ANK1: variants seen among roughly 807,000 people sequenced by gnomAD.
ANK1 encodes the protein ankyrin-1.
ANK1 carries 51 observed loss-of-function variants against 210.4 expected under a neutral mutation model. The ratio of observed to expected loss-of-function variants is 0.24; its 90% CI spans 0.19 to 0.31. The LOEUF (loss-of-function observed/expected upper bound fraction) is 0.31. ANK1 is among the 10% of genes least tolerant of loss of function. ANK1 has a pLI of 1.00. For missense variants in ANK1, 2,051 were observed against 2,504.4 expected (o/e 0.82, Z 3.86); for synonymous variants, 967 against 1,025.9 (o/e 0.94, Z 1.10).
intron 1 of ANK1, among the ~76,000 whole-genome samples, chr8:41,856,950 C>T (rs1037088101): frequency 2.8e-5 from 4 of 141,658 alleles, no homozygotes; most frequent in East Asian, 2.1e-4. Context: ...GGCACCATCT[C>T]GGTTCACTGC....
At chr8:41,775,853 C>A (rs1286679603) in intron 1 of ANK1, among the ~76,000 whole-genome samples, 1 of 152,200 alleles carries the variant, frequency 6.6e-6, no homozygotes, top group Non-Finnish European at 1.5e-5. Flanking sequence ...TGCCATGGCA[C>A]TCTAGCCTGG....
chr8:41,669,823 C>G (rs1811714842), intron 38 of ANK1, among the ~76,000 whole-genome samples: 1 of 152,224 alleles, frequency 6.6e-6, no homozygotes, highest in South Asian at 2.1e-4. Context: ...TTGCGCCAGC[C>G]TCCTCTCAAG....
At chr8:41,666,179 A>C (rs1810495973) in intron 39 of ANK1, among the ~76,000 whole-genome samples, 1 of 152,200 alleles carries the variant, frequency 6.6e-6, no homozygotes, top group Non-Finnish European at 1.5e-5. Context: ...ACCCTTTCTC[A>C]AGGCTGCTGG....
rs928417153 is a variant in ANK1 at position 41,661,358 on chromosome 8, T to C, written c.*36+72A>G. ...TCATGCTGGGGTGGCTGGGAGGGGATAGGGTGAGACAGGGAGCAGCCACTC... is the reference window on the plus strand; with the variant it reads ...TCATGCTGGGGTGGCTGGGAGGGGACAGGGTGAGACAGGGAGCAGCCACTC... On this transcript the variant is annotated intron_variant, in intron 42 of 42. Coordinates refer to ENST00000289734, the MANE Select transcript of ANK1 (RefSeq NM_000037.4). 20 of 1,588,132 alleles carry C rather than the reference T, an allele frequency of 1.3e-5. 2 individuals are homozygous for C. The highest frequency in any genetic ancestry group is 1.7e-5 in the Admixed American group (1 of 57,420).
chr8:41,739,260 T>A lies in ANK1; in HGVS notation c.130-5191A>T, dbSNP rs73675116. ...ATGTCCAGTCTACTGATGAACCTGT[T>A]GAATAAATTCTTCATTTCTGAGAAA... On this transcript the variant is annotated intron_variant, in intron 2 of 42. Coordinates refer to ENST00000289734, the MANE Select transcript of ANK1 (RefSeq NM_000037.4). Among the ~76,000 whole-genome samples, 1,160 of 152,374 alleles carry A rather than the reference T, an allele frequency of 7.6e-3. 22 individuals carry two copies. The highest frequency in any genetic ancestry group is 0.027 in the African/African-American group (1,118 of 41,584).
At chr8:41,798,204 C>G (rs1849184187), upstream of ANK1, among the ~76,000 whole-genome samples, 1 of 144,016 alleles carries the variant, frequency 6.9e-6, no homozygotes, top group Non-Finnish European at 1.5e-5. Context: ...GCCCCTCCGC[C>G]CCCCGGGGAG....
intron 8 of ANK1, 73 bp from the exon 9 acceptor site, chr8:41,723,296 T>G (rs1829741699): frequency 6.7e-7 from 1 of 1,489,850 alleles, no homozygotes; most frequent in Non-Finnish European, 9.4e-7. Flanking sequence ...GAAGACTGCC[T>G]ATGGCATCAT....
chr8:41,847,424 C>T (rs532083906), intron 1 of ANK1, among the ~76,000 whole-genome samples: 5 of 152,230 alleles, frequency 3.3e-5, no homozygotes, highest in South Asian at 2.1e-4. Flanking sequence ...CAAAGGAGGC[C>T]GGGGAAAACG....
rs1820239802 is a variant in ANK1, at chr8:41,694,445, C to G, written c.3327+147G>C. 3.4e-6 allele frequency: 3 copies of G among 888,180 alleles called. No individual in the cohort carries two copies. In the East Asian group the frequency reaches 8.0e-5, roughly 24 times the overall value. 55.0% of individuals were successfully genotyped at this position (888,180 alleles called of 1,614,324 possible). On this transcript the variant is annotated intron_variant, in intron 28 of 42. Coordinates refer to ENST00000289734, the MANE Select transcript of ANK1 (RefSeq NM_000037.4). This position sits in a 1 kb window ranked among gnomAD's most constrained non-coding sequence, Gnocchi z 5.7. ...CCACCTCACCCCTTCCCACTTAACT[C>G]TCCTTTGAGCTTTAAACTCAGATCT...
intron 1 of ANK1, among the ~76,000 whole-genome samples, chr8:41,830,462 G>A (rs543711127): frequency 2.4e-4 from 36 of 151,946 alleles, no homozygotes; most frequent in Middle Eastern, 3.4e-3. Flanking sequence ...ATAAAATCCC[G>A]TCAACTTGAT....
At chr8:41,712,221 G>C (rs118190414) in intron 16 of ANK1, among the ~76,000 whole-genome samples, 32,354 of 152,026 alleles carry the variant, frequency 0.21, 4,349 homozygotes, top group South Asian at 0.31. Context: ...CACCGTGCCC[G>C]GCCCTATTAG....
At chr8:41,732,583 T>C (rs1832452812) in intron 3 of ANK1, among the ~76,000 whole-genome samples, 1 of 151,608 alleles carries the variant, frequency 6.6e-6, no homozygotes, top group Non-Finnish European at 1.5e-5. Flanking sequence ...TGGCTGATTT[T>C]TGTATGTTTA....
rs1363933552 is a variant in ANK1 at position 41,694,015 on chromosome 8, G to A, written c.3415C>T (p.Arg1139Trp). 2.5e-6 allele frequency: 4 copies of A among 1,614,076 alleles called. No homozygotes were observed. Among genetic ancestry groups the A allele is most frequent in the Non-Finnish European group, 1.7e-6 (2 of 1,179,964 alleles). The change falls in exon 29 of 43, where the codon CGG becomes TGG. Residue 1139 changes from arginine to tryptophan, a missense_variant. This residue lies in a region of ANK1 where 1,413 missense variants were observed against 1,707.4 expected (regional missense o/e 0.83). Coordinates refer to ENST00000289734, the MANE Select transcript of ANK1 (RefSeq NM_000037.4). The surrounding 1 kb of genome is among the most constrained non-coding windows in gnomAD (Gnocchi z 5.7). Reference sequence around the variant, plus strand: ...AGCCCAATGGGGCGGTGGAACTTCCGGCGCCGGGGCTCCACGGTGACAATG... The same window carrying A: ...AGCCCAATGGGGCGGTGGAACTTCCAGCGCCGGGGCTCCACGGTGACAATG... ...SPIVTVEPRR[R>W]KFHRPIGLRI...
intron 1 of ANK1, among the ~76,000 whole-genome samples, chr8:41,867,333 C>T (rs1814665279): frequency 6.6e-6 from 1 of 152,204 alleles, no homozygotes. Context: ...GCAACATCAG[C>T]TCTCAAACAA....
chr8:41,719,068 C>A (rs565310827), intron 10 of ANK1, among the ~76,000 whole-genome samples: 37 of 152,280 alleles, frequency 2.4e-4, no homozygotes, highest in African/African-American at 8.7e-4. Flanking sequence ...TGGGAAGAGG[C>A]AGAGAGGAGA....
intron 36 of ANK1, among the ~76,000 whole-genome samples, chr8:41,685,760 G>T (rs762259624): frequency 6.6e-6 from 1 of 152,142 alleles, no homozygotes; most frequent in Admixed American, 6.5e-5. Flanking sequence ...TCAGCCTCCA[G>T]AGTAGTTGGG....
chr8:41,725,703 G>A, intron 6 of ANK1, 58 bp downstream of exon 6: 1 of 1,569,404 alleles, frequency 6.4e-7, no homozygotes, highest in South Asian at 1.2e-5. Context: ...CGTGCGCGGT[G>A]CCCCCTGAGC....
intron 1 of ANK1, among the ~76,000 whole-genome samples, chr8:41,820,366 TG>T (rs1804045684): frequency 8.2e-6 from 1 of 121,348 alleles, no homozygotes; most frequent in East Asian, 2.2e-4. Flanking sequence ...TGTGTGTGTG[TG>T]TGTGTGTGTG....
intron 1 of ANK1, among the ~76,000 whole-genome samples, chr8:41,771,952 G>A (rs1843050905): frequency 1.3e-5 from 2 of 152,156 alleles, no homozygotes; most frequent in South Asian, 2.1e-4. Flanking sequence ...AATCCCATGC[G>A]AGTGGGATTC....
Sources: allele counts gnomAD v4.1 joint callset (sites outside exome capture counted in the v4.1 genomes callset), GRCh38; gene constraint gnomAD v4.1.1; regional missense constraint gnomAD v4.1.1; non-coding constraint Gnocchi (gnomAD v3.1); transcripts MANE v1.5; gene names NCBI Gene and HGNC (gene_info 2026-07-23, HGNC 2026-07-21).